The following MBD5 variants were observed in gnomAD, a reference collection of about 807,000 sequenced individuals.
MBD5 encodes the protein methyl-CpG binding domain protein 5.
In MBD5, 13 loss-of-function variants were observed where a neutral mutation model predicts 117.3. That is an observed-to-expected ratio of 0.11 (90% CI 0.07 to 0.18). The LOEUF is 0.18. Ranked by LOEUF, MBD5 falls within the 10% of genes least tolerant of loss-of-function variation. The pLI, the probability that MBD5 is intolerant of heterozygous loss-of-function variation, is 1.00. For missense variants in MBD5, 1,879 were observed against 2,093.8 expected (o/e 0.90, Z 2.00); for synonymous variants, 727 against 766.4 (o/e 0.95, Z 0.85).
At chr2:148,169,921 G>T (rs909127880) in intron 1 of MBD5, among the ~76,000 whole-genome samples, 1 of 149,856 alleles carries the variant, frequency 6.7e-6, no homozygotes, top group African/African-American at 2.5e-5. Context: ...TTTTTGAGAC[G>T]GAGTCTCGCT....
chr2:148,349,379 TATC>T (rs1703197092), intron 4 of MBD5, among the ~76,000 whole-genome samples: 1 of 152,038 alleles, frequency 6.6e-6, no homozygotes. Flanking sequence ...TTCTCCTTCA[TATC>T]ATCAGATTGT....
intron 1 of MBD5, among the ~76,000 whole-genome samples, chr2:148,022,223 T>C (rs941518992): frequency 6.6e-6 from 1 of 152,190 alleles, no homozygotes; most frequent in South Asian, 2.1e-4. Flanking sequence ...GAAGACTTGA[T>C]TGGTTTTTGC....
At chr2:148,336,244 C>G (rs1273736147) in intron 3 of MBD5, among the ~76,000 whole-genome samples, 1 of 152,162 alleles carries the variant, frequency 6.6e-6, no homozygotes, top group Non-Finnish European at 1.5e-5. Context: ...ATTGATTGAT[C>G]TCAGTGTCTT....
intron 1 of MBD5, among the ~76,000 whole-genome samples, chr2:148,106,877 A>G (rs986493508): frequency 1.3e-5 from 2 of 152,056 alleles, no homozygotes; most frequent in Non-Finnish European, 2.9e-5. Context: ...CATTTTAACA[A>G]TGTAATAAAT....
At chr2:148,057,238 C>A (rs180879217) in intron 1 of MBD5, among the ~76,000 whole-genome samples, 3 of 151,684 alleles carry the variant, frequency 2.0e-5, no homozygotes, top group Non-Finnish European at 4.4e-5. Context: ...CTGCCTTCTA[C>A]ATTTTAATTT....
At chr2:148,148,823 A>G (rs973149895) in intron 1 of MBD5, among the ~76,000 whole-genome samples, 1 of 152,202 alleles carries the variant, frequency 6.6e-6, no homozygotes, top group African/African-American at 2.4e-5. Context: ...AGCATGTCTT[A>G]AAATGAACTT....
At chr2:148,124,592 A>G (rs569549219) in intron 1 of MBD5, among the ~76,000 whole-genome samples, 9 of 152,200 alleles carry the variant, frequency 5.9e-5, no homozygotes, top group South Asian at 2.1e-4. Context: ...AAGAAAGAAT[A>G]ATTACTGAGG....
At chr2:148,510,210 T>G in intron 13 of MBD5, 75 bp downstream of exon 13, 1 of 1,103,944 alleles carries the variant, frequency 9.1e-7, no homozygotes, top group Non-Finnish European at 1.4e-6. Context: ...GTAAAGTCTC[T>G]TGAGTATTGT....
chr2:148,502,274 A>T (rs1681894618), intron 11 of MBD5, 162 bp from the exon 12 acceptor site: 1 of 682,630 alleles, frequency 1.5e-6, no homozygotes, highest in Admixed American at 2.3e-5. Flanking sequence ...CACAGAATCA[A>T]CCTCTAATGA....
At chr2:148,411,775 T>A (rs979241030) in intron 4 of MBD5, among the ~76,000 whole-genome samples, 1 of 152,094 alleles carries the variant, frequency 6.6e-6, no homozygotes, top group African/African-American at 2.4e-5. Flanking sequence ...TTGCAAATAT[T>A]TTCTTGCATT....
At chr2:148,259,841 C>T (rs1166974974) in intron 3 of MBD5, among the ~76,000 whole-genome samples, 1 of 152,186 alleles carries the variant, frequency 6.6e-6, no homozygotes, top group Non-Finnish European at 1.5e-5. Flanking sequence ...CAGAAGGCCA[C>T]CTCAGCCTGC....
intron 4 of MBD5, among the ~76,000 whole-genome samples, chr2:148,442,772 C>G (rs1706366766): frequency 6.6e-6 from 1 of 151,408 alleles, no homozygotes; most frequent in Non-Finnish European, 1.5e-5. Flanking sequence ...ACTCAGATAT[C>G]TAAGACCTCA....
chr2:148,422,556 A>G (rs1306028375), intron 4 of MBD5, among the ~76,000 whole-genome samples: 1 of 152,188 alleles, frequency 6.6e-6, no homozygotes, highest in Non-Finnish European at 1.5e-5. Context: ...CCTCACCAGC[A>G]AGGGAACAGA....
rs34113572 is a variant in MBD5 at position 148,207,692 on chromosome 2, GA to G, written c.-830-25538del. On this transcript the variant is annotated intron_variant, in intron 2 of 13. Coordinates refer to ENST00000642680, the MANE Select transcript of MBD5 (RefSeq NM_001378120.1). Reference sequence around the variant, plus strand: ...AGCTGAGAGAGATACTAGAAGTTAGGAAAAAAAAAAAAAAAGATGACGTTAA... The same window carrying G: ...AGCTGAGAGAGATACTAGAAGTTAGGAAAAAAAAAAAAAAGATGACGTTAA... Among the ~76,000 whole-genome samples the G allele has an allele frequency of 2.1e-3, 305 of 142,382 alleles. 1 individual carries two copies. The highest frequency in any genetic ancestry group is 4.5e-3 in the African/African-American group (167 of 37,166). 93.4% of individuals were successfully genotyped at this position (142,382 alleles called of 152,430 possible). A position where few individuals can be genotyped will look rare whatever the true frequency, so the allele number is the denominator to read the frequency against.
intron 1 of MBD5, among the ~76,000 whole-genome samples, chr2:148,126,405 C>CA (rs11308422): frequency 3.9e-4 from 36 of 92,512 alleles, no homozygotes; most frequent in African/African-American, 1.3e-3. Context: ...GACTCCATCT[C>CA]AAAAAAAAAA....
chr2:148,075,246 A>AT (rs1441858569), intron 1 of MBD5, among the ~76,000 whole-genome samples: 1 of 152,188 alleles, frequency 6.6e-6, no homozygotes, highest in Non-Finnish European at 1.5e-5. Flanking sequence ...AGACTTAAAT[A>AT]TTCAGTCAGT....
intron 1 of MBD5, among the ~76,000 whole-genome samples, chr2:148,103,022 A>C (rs1378625946): frequency 6.6e-6 from 1 of 152,180 alleles, no homozygotes; most frequent in Non-Finnish European, 1.5e-5. Flanking sequence ...AGATGAAAAA[A>C]TTTAATCAGA....
chr2:148,213,936 A>G (rs1345481099), intron 2 of MBD5, among the ~76,000 whole-genome samples: 1 of 152,200 alleles, frequency 6.6e-6, no homozygotes, highest in Non-Finnish European at 1.5e-5. Flanking sequence ...TATTAACAAA[A>G]AATACCATGA....
At chr2:148,460,021 C>A (rs1209366788) in intron 5 of MBD5, among the ~76,000 whole-genome samples, 1 of 152,166 alleles carries the variant, frequency 6.6e-6, no homozygotes, top group Non-Finnish European at 1.5e-5. Flanking sequence ...ATAACTTCTT[C>A]AGAGTTTCTA....
Sources: allele counts gnomAD v4.1 joint callset (sites outside exome capture counted in the v4.1 genomes callset), GRCh38; gene constraint gnomAD v4.1.1; transcripts MANE v1.5; gene names NCBI Gene and HGNC (gene_info 2026-07-23, HGNC 2026-07-21).